Variants in ST6GALNAC3 observed in about 807,000 individuals in gnomAD.
ST6GALNAC3 encodes the protein ST6 N-acetylgalactosaminide alpha-2,6-sialyltransferase 3.
ST6GALNAC3 carries 25 observed loss-of-function variants against 32.7 expected under a neutral mutation model. The observed-to-expected ratio is 0.76, with a 90% CI of 0.56 to 1.07. The LOEUF is 1.07. ST6GALNAC3 is among the 50% of genes least tolerant of loss of function. ST6GALNAC3 has a pLI of 0.00. For missense variants in ST6GALNAC3, 355 were observed against 382.4 expected, an observed-to-expected ratio of 0.93 and a Z score of 0.60; for synonymous variants, 129 against 133.1, an observed-to-expected ratio of 0.97 and a Z score of 0.21.
chr1:76,333,134 A>T (rs945204081), intron 2 of ST6GALNAC3, among the ~76,000 whole-genome samples: 9 of 152,294 alleles, frequency 5.9e-5, no homozygotes, highest in Middle Eastern at 3.4e-3. Flanking sequence ...TGTAAATTTC[A>T]ATAAAGTATT....
chr1:76,187,566 T>G (rs752136673), intron 1 of ST6GALNAC3, among the ~76,000 whole-genome samples: 5 of 152,222 alleles, frequency 3.3e-5, no homozygotes, highest in Non-Finnish European at 7.4e-5. Flanking sequence ...GTGAAGCATT[T>G]ACTTACTCCA....
chr1:76,186,086 T>C (rs1377094219), intron 1 of ST6GALNAC3, among the ~76,000 whole-genome samples: 2 of 152,130 alleles, frequency 1.3e-5, no homozygotes, highest in Non-Finnish European at 2.9e-5. Flanking sequence ...GGACCACTGT[T>C]CTCTTATACC....
At chr1:76,378,667 CCA>C (rs1491186267) in intron 2 of ST6GALNAC3, among the ~76,000 whole-genome samples, 160 of 101,986 alleles carry the variant, frequency 1.6e-3, no homozygotes, top group Middle Eastern at 4.5e-3. Context: ...CTTCCCCCCC[CCA>C]AAAAAAAAAA....
chr1:76,096,330 T>G (rs1348595578), intron 1 of ST6GALNAC3, among the ~76,000 whole-genome samples: 1 of 152,204 alleles, frequency 6.6e-6, no homozygotes, highest in Non-Finnish European at 1.5e-5. Context: ...AAAACAATCC[T>G]GGTGCCGGGA....
At chr1:76,612,567 T>C (rs906813314) in intron 3 of ST6GALNAC3, among the ~76,000 whole-genome samples, 1 of 152,154 alleles carries the variant, frequency 6.6e-6, no homozygotes, top group East Asian at 1.9e-4. Flanking sequence ...GCTGTATTAA[T>C]ATGGCCATTA....
At chr1:76,278,831 A>T (rs1659333957) in intron 1 of ST6GALNAC3, among the ~76,000 whole-genome samples, 2 of 152,162 alleles carry the variant, frequency 1.3e-5, no homozygotes, top group Non-Finnish European at 2.9e-5. Context: ...TCACAGAGCG[A>T]ATGTGTTTAT....
chr1:76,293,909 ATAAT>A (rs1301812921), intron 1 of ST6GALNAC3, among the ~76,000 whole-genome samples: 2 of 152,116 alleles, frequency 1.3e-5, no homozygotes, highest in Admixed American at 1.3e-4. Context: ...GCTTTATATC[ATAAT>A]TAAAGAGTGG....
chr1:76,087,215 A>G (rs903441885), intron 1 of ST6GALNAC3, among the ~76,000 whole-genome samples: 11 of 152,192 alleles, frequency 7.2e-5, no homozygotes, highest in Non-Finnish European at 1.5e-4. Flanking sequence ...TCTCTCACCC[A>G]TCTTTGACCC....
chr1:76,502,064 C>A (rs770686928), intron 3 of ST6GALNAC3, among the ~76,000 whole-genome samples: 10 of 152,192 alleles, frequency 6.6e-5, no homozygotes, highest in Admixed American at 3.3e-4. Flanking sequence ...TCCTCCTGTG[C>A]GCCTCTTATC....
intron 3 of ST6GALNAC3, among the ~76,000 whole-genome samples, chr1:76,495,206 A>G (rs1269468689): frequency 6.6e-6 from 1 of 152,100 alleles, no homozygotes; most frequent in Non-Finnish European, 1.5e-5. Context: ...TTGACACATA[A>G]ATTAACCGTA....
intron 3 of ST6GALNAC3, among the ~76,000 whole-genome samples, chr1:76,484,914 G>T (rs1488593760): frequency 6.6e-6 from 1 of 152,138 alleles, no homozygotes; most frequent in African/African-American, 2.4e-5. Flanking sequence ...TTAATTTATT[G>T]AGAGTTTTTA....
chr1:76,471,107 T>C (rs1339501639), intron 3 of ST6GALNAC3, among the ~76,000 whole-genome samples: 1 of 152,088 alleles, frequency 6.6e-6, no homozygotes, highest in Non-Finnish European at 1.5e-5. Flanking sequence ...AAATATTAAC[T>C]CCTTGGTTAA....
intron 1 of ST6GALNAC3, among the ~76,000 whole-genome samples, chr1:76,283,010 A>T (rs1046658809): frequency 6.6e-6 from 1 of 151,866 alleles, no homozygotes; most frequent in African/African-American, 2.4e-5. Context: ...ACGCCACTGC[A>T]CTCCAGCCTG....
chr1:76,234,617 C>T (rs886537640), intron 1 of ST6GALNAC3, among the ~76,000 whole-genome samples: 2 of 152,204 alleles, frequency 1.3e-5, no homozygotes, highest in Non-Finnish European at 2.9e-5. Context: ...GGCTCTACAC[C>T]TGAATTTCTC....
At chr1:76,254,728 A>G (rs898233626) in intron 1 of ST6GALNAC3, among the ~76,000 whole-genome samples, 6 of 151,966 alleles carry the variant, frequency 3.9e-5, no homozygotes, top group African/African-American at 1.4e-4. Context: ...TTTCCCCTAT[A>G]ATGTGTCAGA....
chr1:76,156,722 T>C (rs977654920), intron 1 of ST6GALNAC3, among the ~76,000 whole-genome samples: 1 of 152,176 alleles, frequency 6.6e-6, no homozygotes, highest in African/African-American at 2.4e-5. Flanking sequence ...AATCAGTCAT[T>C]TCTCCAAAAA....
At chr1:76,585,943 A>T (rs1303549162) in intron 3 of ST6GALNAC3, among the ~76,000 whole-genome samples, 3 of 152,160 alleles carry the variant, frequency 2.0e-5, no homozygotes, top group Non-Finnish European at 4.4e-5. Context: ...ACTTCAATCC[A>T]TTTCAAATAT....
rs965900396 is a variant in ST6GALNAC3 at position 76,074,778 on chromosome 1, G to A, written c.-89G>A. On this transcript the variant is annotated 5_prime_UTR_variant, in exon 1 of 5. Transcript: ENST00000328299. Reference sequence around the variant, plus strand: ...CGGGAATGTGGGCTGGAGAGGTCCTGCCGTGGTACCAGCCTCCAGCCTGCC... The same window carrying A: ...CGGGAATGTGGGCTGGAGAGGTCCTACCGTGGTACCAGCCTCCAGCCTGCC... 5.5e-6 allele frequency: 8 copies of A among 1,452,114 alleles called. No individual in the cohort carries two copies. The highest frequency in any genetic ancestry group is 7.5e-6 in the Non-Finnish European group (8 of 1,066,524). The allele number at this position is 1,452,114 out of a possible 1,614,324, so 90.0% of individuals were successfully genotyped here. A position where few individuals can be genotyped will look rare whatever the true frequency, so the allele number is the denominator to read the frequency against.
chr1:76,234,567 A>G (rs754251002), intron 1 of ST6GALNAC3, among the ~76,000 whole-genome samples: 6 of 152,226 alleles, frequency 3.9e-5, no homozygotes, highest in Non-Finnish European at 8.8e-5. Flanking sequence ...CTTCATGTGA[A>G]TGTCTGGACA....
Sources: gnomAD v4.1 joint callset for allele counts (sites outside exome capture counted in the v4.1 genomes callset) on GRCh38, gnomAD v4.1.1 for gene constraint, MANE v1.5 for transcripts, NCBI Gene and HGNC (gene_info 2026-07-23, HGNC 2026-07-21) for gene names.